Variants in PSME4 observed in about 807,000 individuals in gnomAD.
The protein encoded by PSME4 is proteasome activator subunit 4.
In PSME4, 89 loss-of-function variants were observed where a neutral mutation model predicts 253.9. That is an observed-to-expected ratio of 0.35 (90% CI 0.30 to 0.42). PSME4 has a LOEUF of 0.42. Among genes scored for constraint, PSME4 ranks in the 10% least tolerant of loss-of-function variants. The pLI is 1.00. For synonymous variants in PSME4, 851 were observed against 759.2 expected (o/e 1.12, Z -1.99); for missense variants, 2,014 against 2,195.2 (o/e 0.92, Z 1.65).
intron 41 of PSME4, among the ~76,000 whole-genome samples, chr2:53,879,944 G>C (rs1679303807): frequency 6.6e-6 from 1 of 152,028 alleles, no homozygotes. Context: ...ATTCCAGTAG[G>C]AATTGTGTTT....
At chr2:53,940,851 T>G (rs1195624286) in intron 3 of PSME4, among the ~76,000 whole-genome samples, 1 of 138,916 alleles carries the variant, frequency 7.2e-6, no homozygotes, top group African/African-American at 2.6e-5. Flanking sequence ...TCAAAAAAAT[T>G]TATATATATA....
At chr2:53,938,644 A>T (rs558232567) in intron 4 of PSME4, among the ~76,000 whole-genome samples, 20 of 152,278 alleles carry the variant, frequency 1.3e-4, no homozygotes, top group African/African-American at 4.8e-4. Context: ...CATATGAAAA[A>T]TTCTGATTCT....
chr2:53,968,148 G>A (rs1269863598), intron 1 of PSME4, among the ~76,000 whole-genome samples: 3 of 151,394 alleles, frequency 2.0e-5, no homozygotes, highest in African/African-American at 4.9e-5. Flanking sequence ...GGTGGCACTC[G>A]CCTATAATCC....
chr2:53,920,849 T>A (rs748206469), intron 18 of PSME4, 40 bp downstream of exon 18: 2 of 1,499,292 alleles, frequency 1.3e-6, no homozygotes, highest in Non-Finnish European at 1.8e-6. Flanking sequence ...AAACAAAAAA[T>A]CAACATATTC....
chr2:53,938,176 AT>A (rs1269207192), intron 4 of PSME4, among the ~76,000 whole-genome samples: 1 of 152,206 alleles, frequency 6.6e-6, no homozygotes, highest in Non-Finnish European at 1.5e-5. Flanking sequence ...TTAAAAAAAA[AT>A]CTTGTCAAAA....
chr2:53,897,429 A>G, intron 31 of PSME4, among the ~76,000 whole-genome samples: 1 of 152,058 alleles, frequency 6.6e-6, no homozygotes, highest in East Asian at 1.9e-4. Context: ...TCAGCCTCCC[A>G]AAGTGCTGGG....
chr2:53,919,178 G>A lies in PSME4; in HGVS notation c.2489C>T (p.Pro830Leu), dbSNP rs1289745793. Residue 830 changes from proline to leucine, a missense_variant, in exon 20 of 47, where the codon CCG becomes CTG. By Grantham distance (98) the Pro-to-Leu change is moderately conservative (BLOSUM62 -3). Transcript: ENST00000404125. ...GTTAGTAACTGGCTCTCCTTTCAAC[G>A]GAGGTAGGAGGTTTCCAGAGCCAAT... ...CLIGSGNLLP[P>L]LKGEPVTNLV... is the part of the protein sequence containing the mutation. 6.8e-6 allele frequency: 11 copies of A among 1,612,146 alleles called. No individual in the cohort carries two copies. Among genetic ancestry groups the A allele is most frequent in the Admixed American group, 5.0e-5 (3 of 59,744 alleles).
intron 27 of PSME4, among the ~76,000 whole-genome samples, chr2:53,903,770 ATAAC>A (rs1680519546): frequency 1.3e-5 from 2 of 152,268 alleles, no homozygotes. Flanking sequence ...ACAGAGGTAA[ATAAC>A]TAAATAATGA....
chr2:53,891,975 G>A (rs963983857), intron 36 of PSME4, among the ~76,000 whole-genome samples: 8 of 152,080 alleles, frequency 5.3e-5, no homozygotes, highest in African/African-American at 1.9e-4. Context: ...AGCAGGAAGG[G>A]TTTGAGACAA....
intron 20 of PSME4, among the ~76,000 whole-genome samples, chr2:53,915,828 T>C (rs1416062204): frequency 6.6e-6 from 1 of 152,086 alleles, no homozygotes; most frequent in Non-Finnish European, 1.5e-5. Context: ...CCCAGCACTT[T>C]TGGAGGTCAA....
chr2:53,930,030 TAATA>T lies in PSME4; in HGVS notation c.1317-1731_1317-1728del, dbSNP rs530642038. 3.1e-3 allele frequency among the ~76,000 whole-genome samples: 473 copies of T among 151,076 alleles called. 1 individual carries two copies. Among genetic ancestry groups the T allele is most frequent in the African/African-American group, 0.011 (447 of 41,284 alleles). On this transcript the variant is annotated intron_variant, in intron 10 of 46. Coordinates refer to ENST00000404125, the MANE Select transcript of PSME4 (RefSeq NM_014614.3). ...AAGAGTCTGTCTCTAAATAAATAAA[TAATA>T]AATAAATAAATAAATAAATAATAAA...
intron 1 of PSME4, among the ~76,000 whole-genome samples, chr2:53,955,690 G>A (rs1464097436): frequency 6.6e-6 from 1 of 152,120 alleles, no homozygotes; most frequent in Non-Finnish European, 1.5e-5. Flanking sequence ...CGGAGGCCAC[G>A]GCAAGCAGAC....
rs1389150163 is a variant in PSME4 at position 53,891,930 on chromosome 2, T to TGGAAGGAA, written c.4191+870_4191+877dup. On this transcript the variant is annotated intron_variant, in intron 36 of 46. Coordinates refer to ENST00000404125, the MANE Select transcript of PSME4 (RefSeq NM_014614.3). ...ATGGATGGACAGACGGAAGGACAGA[T>TGGAAGGAA]GGAAGGAAGGAAGGAAGGAAGGAAT... Among the ~76,000 whole-genome samples, 3 of 148,112 alleles carry TGGAAGGAA rather than the reference T, an allele frequency of 2.0e-5. No homozygotes were observed. The South Asian group carries it at 6.5e-4, about 32-fold the overall frequency.
At chr2:53,958,693 A>T (rs1670344701) in intron 1 of PSME4, among the ~76,000 whole-genome samples, 1 of 152,136 alleles carries the variant, frequency 6.6e-6, no homozygotes, top group South Asian at 2.1e-4. Flanking sequence ...AAATTAGGGT[A>T]ATTATTTCAG....
At chr2:53,948,330 C>A (rs111542287) in intron 3 of PSME4, 91 bp downstream of exon 3, 2 of 804,540 alleles carry the variant, frequency 2.5e-6, no homozygotes, top group African/African-American at 1.7e-5. Context: ...CTGCTTGTTT[C>A]TTTCAAACAA....
At chr2:53,921,497 G>A (rs981002117) in intron 17 of PSME4, among the ~76,000 whole-genome samples, 74 of 148,972 alleles carry the variant, frequency 5.0e-4, no homozygotes, top group African/African-American at 1.7e-3. Context: ...CGCCCGCCTC[G>A]GCCTCCCAAA....
At chr2:53,885,440 G>C (rs113701150) in intron 41 of PSME4, among the ~76,000 whole-genome samples, 1 of 152,234 alleles carries the variant, frequency 6.6e-6, no homozygotes, top group Non-Finnish European at 1.5e-5. Context: ...TCAGAAATTA[G>C]CTACCAGGTA....
intron 24 of PSME4, 115 bp from the exon 25 acceptor site, chr2:53,906,983 G>T (rs1573259060): frequency 1.2e-6 from 1 of 828,856 alleles, no homozygotes; most frequent in Non-Finnish European, 1.9e-6. Context: ...ACTGGTGAGT[G>T]GTGGTGGTAT....
intron 44 of PSME4, among the ~76,000 whole-genome samples, chr2:53,867,500 AG>A (rs373120892): frequency 0.048 from 6,184 of 128,384 alleles, 412 homozygotes; most frequent in East Asian, 0.32. Context: ...CTCCGTCTCA[AG>A]GAAAAAAAAA....
Sources: gnomAD v4.1 joint callset for allele counts (sites outside exome capture counted in the v4.1 genomes callset) on GRCh38, gnomAD v4.1.1 for gene constraint, MANE v1.5 for transcripts, NCBI Gene and HGNC (gene_info 2026-07-23, HGNC 2026-07-21) for gene names.